The following RAD51B variants were observed in gnomAD, a reference collection of about 807,000 sequenced individuals.
RAD51B encodes RAD51 paralog B.
In RAD51B, 38 loss-of-function variants were observed where a neutral mutation model predicts 42.2. That is an observed-to-expected ratio of 0.90 (90% CI 0.70 to 1.18). The LOEUF (loss-of-function observed/expected upper bound fraction) is 1.18. RAD51B is among the 50% of genes most tolerant of loss of function. The probability of loss-of-function intolerance (pLI) is 0.00; values close to 1 mark genes in which losing one functional copy is unlikely to be tolerated. For synonymous variants in RAD51B, 154 were observed against 145.2 expected (o/e 1.06, Z -0.43); for missense variants, 373 against 400.7 (o/e 0.93, Z 0.59).
intron 7 of RAD51B, among the ~76,000 whole-genome samples, chr14:68,285,103 G>GA (rs2081388421): frequency 6.6e-6 from 1 of 152,150 alleles, no homozygotes; most frequent in Non-Finnish European, 1.5e-5. Context: ...GGAGCAGGAG[G>GA]ACAGCATGGG....
Position 68,417,373 on chromosome 14 carries a change from G to C in RAD51B, c.957+5846G>C, listed in dbSNP as rs148401253. 6.2e-4 allele frequency among the ~76,000 whole-genome samples: 94 copies of C among 152,264 alleles called. 1 individual carries two copies. Among genetic ancestry groups the C allele is most frequent in the Middle Eastern group, 3.4e-3 (1 of 294 alleles). On this transcript the variant is annotated intron_variant, in intron 9 of 10. Coordinates refer to ENST00000471583, the MANE Select transcript of RAD51B (RefSeq NM_133510.4). Reference sequence around the variant, plus strand: ...CATAAATACCTATAGAAATAGCAAAGGGAACATAAAATCCAGTCAAGTACA... The same window carrying C: ...CATAAATACCTATAGAAATAGCAAACGGAACATAAAATCCAGTCAAGTACA...
At chr14:68,597,204 G>A (rs923036738), downstream of RAD51B, among the ~76,000 whole-genome samples, 2 of 152,180 alleles carry the variant, frequency 1.3e-5, no homozygotes, top group Admixed American at 1.3e-4. Flanking sequence ...CTCTCCTACA[G>A]CAGAGAAATA....
intron 10 of RAD51B, among the ~76,000 whole-genome samples, chr14:68,640,877 G>A (rs1892446460): frequency 6.6e-6 from 1 of 152,200 alleles, no homozygotes; most frequent in Non-Finnish European, 1.5e-5. Flanking sequence ...GGCTGAGCTG[G>A]GAATCTCACA....
intron 7 of RAD51B, among the ~76,000 whole-genome samples, chr14:68,165,713 C>G (rs1259178480): frequency 6.6e-6 from 1 of 152,186 alleles, no homozygotes; most frequent in Non-Finnish European, 1.5e-5. Context: ...CTCTAAGTCT[C>G]ATGCCAGCTC....
intron 10 of RAD51B, among the ~76,000 whole-genome samples, chr14:68,577,038 A>G (rs1005783130): frequency 6.6e-6 from 1 of 152,242 alleles, no homozygotes; most frequent in Non-Finnish European, 1.5e-5. Context: ...ACACAAGACC[A>G]ATGTCTTCTC....
At chr14:67,975,165 A>G (rs773222435) in intron 7 of RAD51B, among the ~76,000 whole-genome samples, 2 of 152,238 alleles carry the variant, frequency 1.3e-5, no homozygotes, top group Non-Finnish European at 2.9e-5. Flanking sequence ...AATGATGAAC[A>G]TTCAGACATC....
chr14:68,248,813 A>C (rs899264614), intron 7 of RAD51B, among the ~76,000 whole-genome samples: 2 of 152,182 alleles, frequency 1.3e-5, no homozygotes, highest in Non-Finnish European at 2.9e-5. Flanking sequence ...CTGGATTTTA[A>C]TTTCTCTGCC....
exon 11 of RAD51B, chr14:68,594,549 G>C (rs1020692632): frequency 6.7e-6 from 9 of 1,337,108 alleles, no homozygotes; most frequent in Non-Finnish European, 7.9e-6. Flanking sequence ...TCCCACCTCA[G>C]CCTCCTGAGC....
At chr14:68,583,911 C>T (rs1890328087) in intron 10 of RAD51B, among the ~76,000 whole-genome samples, 1 of 152,120 alleles carries the variant, frequency 6.6e-6, no homozygotes, top group Non-Finnish European at 1.5e-5. Context: ...TCACCCACGG[C>T]TGGAGGTGAG....
intron 8 of RAD51B, among the ~76,000 whole-genome samples, chr14:68,391,172 T>TTCTTTCTTTCTTTC (rs1555402773): frequency 1.3e-5 from 2 of 151,808 alleles, no homozygotes; most frequent in African/African-American, 4.9e-5. Flanking sequence ...CTTTCTTTCT[T>TTCTTTCTTTCTTTC]TCTTTCTTTC....
intron 8 of RAD51B, among the ~76,000 whole-genome samples, chr14:68,395,671 T>C (rs1417932078): frequency 6.6e-6 from 1 of 152,168 alleles, no homozygotes; most frequent in Non-Finnish European, 1.5e-5. Context: ...GATTCCTTTG[T>C]CTTGGACAGA....
chr14:68,059,143 A>G (rs546669682), intron 7 of RAD51B, among the ~76,000 whole-genome samples: 21 of 152,128 alleles, frequency 1.4e-4, no homozygotes, highest in Admixed American at 3.3e-4. Context: ...CGTGATCCCA[A>G]TTGGATTTCA....
chr14:68,638,102 C>T (rs919957213), intron 10 of RAD51B, among the ~76,000 whole-genome samples: 1 of 152,190 alleles, frequency 6.6e-6, no homozygotes, highest in African/African-American at 2.4e-5. Flanking sequence ...GAGAGAAGGC[C>T]AGTGAAGGAA....
chr14:68,408,783 C>T (rs896877804), intron 8 of RAD51B, among the ~76,000 whole-genome samples: 1 of 152,056 alleles, frequency 6.6e-6, no homozygotes, highest in African/African-American at 2.4e-5. Context: ...AAGTTTTTTA[C>T]AATTTTAAAA....
chr14:68,085,903 T>C (rs2076975641), intron 7 of RAD51B, among the ~76,000 whole-genome samples: 5 of 152,298 alleles, frequency 3.3e-5, no homozygotes, highest in Admixed American at 3.3e-4. Context: ...TGTAGGGCTC[T>C]GACCCCATGG....
chr14:68,477,234 T>C (rs940734434), intron 10 of RAD51B, among the ~76,000 whole-genome samples: 5 of 152,190 alleles, frequency 3.3e-5, no homozygotes, highest in Non-Finnish European at 7.3e-5. Context: ...GGGCATTTGT[T>C]AAGGACTGTG....
chr14:68,363,162 A>G (rs1236695615), intron 8 of RAD51B, among the ~76,000 whole-genome samples: 1 of 152,370 alleles, frequency 6.6e-6, no homozygotes, highest in South Asian at 2.1e-4. Context: ...TTTTGGGTAC[A>G]AGATAGTTTT....
intron 10 of RAD51B, among the ~76,000 whole-genome samples, chr14:68,624,551 A>C (rs1595034138): frequency 6.6e-6 from 1 of 152,102 alleles, no homozygotes; most frequent in Non-Finnish European, 1.5e-5. Context: ...CCCTACCCTC[A>C]TAATTCCAAA....
intron 7 of RAD51B, among the ~76,000 whole-genome samples, chr14:67,982,233 C>G (rs953284690): frequency 1.3e-5 from 2 of 151,936 alleles, no homozygotes; most frequent in Non-Finnish European, 2.9e-5. Flanking sequence ...CCATGTCTGG[C>G]CCCAATTGTA....
Sources: gnomAD v4.1 joint callset for allele counts (sites outside exome capture counted in the v4.1 genomes callset) on GRCh38, gnomAD v4.1.1 for gene constraint, MANE v1.5 for transcripts, NCBI Gene and HGNC (gene_info 2026-07-23, HGNC 2026-07-21) for gene names.